The following POLR3B variants were observed in gnomAD, a reference collection of about 807,000 sequenced individuals.
POLR3B encodes the protein DNA-directed RNA polymerase III subunit RPC2.
A neutral mutation model predicts 147.4 loss-of-function variants in POLR3B; 96 were observed. That is an observed-to-expected ratio of 0.65 (90% CI 0.55 to 0.77). The LOEUF (loss-of-function observed/expected upper bound fraction) is 0.77. POLR3B is among the 30% of genes least tolerant of loss of function. The pLI is 0.00. For synonymous variants in POLR3B, 461 were observed against 485.9 expected, an observed-to-expected ratio of 0.95 and a Z score of 0.67; for missense variants, 1,036 against 1,413.5, an observed-to-expected ratio of 0.73 and a Z score of 4.28.
At chr12:106,492,021 A>G (rs912941109) in intron 23 of POLR3B, among the ~76,000 whole-genome samples, 2 of 152,236 alleles carry the variant, frequency 1.3e-5, no homozygotes, top group Admixed American at 1.3e-4. Context: ...TCAGGTCTCA[A>G]CACACTGAAG....
chr12:106,502,540 C>T (rs908984340), intron 26 of POLR3B, among the ~76,000 whole-genome samples: 1 of 152,190 alleles, frequency 6.6e-6, no homozygotes, highest in African/African-American at 2.4e-5. Context: ...GTTCCCTCCC[C>T]ACTTTCACTG....
chr12:106,392,971 G>A (rs913518103), intron 9 of POLR3B, 60 bp from the exon 10 acceptor site: 10 of 1,607,048 alleles, frequency 6.2e-6, no homozygotes, highest in African/African-American at 5.3e-5. Context: ...ATTAGCATAA[G>A]CAAATGTCAG....
At chr12:106,467,923 T>G (rs1488547592) in intron 23 of POLR3B, among the ~76,000 whole-genome samples, 4 of 152,210 alleles carry the variant, frequency 2.6e-5, no homozygotes, top group African/African-American at 9.6e-5. Flanking sequence ...TCTTTTTTTA[T>G]TGTATCTCTG....
At chr12:106,407,719 C>T (rs1260188012) in intron 11 of POLR3B, among the ~76,000 whole-genome samples, 1 of 150,714 alleles carries the variant, frequency 6.6e-6, no homozygotes, top group Non-Finnish European at 1.5e-5. Context: ...ATCCCAGCTA[C>T]TTGGGAGGCT....
intron 23 of POLR3B, among the ~76,000 whole-genome samples, chr12:106,481,432 G>A (rs910162952): frequency 2.0e-5 from 3 of 152,178 alleles, no homozygotes; most frequent in South Asian, 2.1e-4. Flanking sequence ...TTTCAGCTTC[G>A]CTCCTCACGC....
chr12:106,413,931 T>G (rs2037264924), intron 12 of POLR3B, among the ~76,000 whole-genome samples: 1 of 152,052 alleles, frequency 6.6e-6, no homozygotes, highest in African/African-American at 2.4e-5. Context: ...GGTAATTTAT[T>G]GGTTTTGCAT....
intron 2 of POLR3B, among the ~76,000 whole-genome samples, 177 bp downstream of exon 2, chr12:106,364,079 A>G (rs1025447238): frequency 3.3e-5 from 5 of 152,184 alleles, no homozygotes; most frequent in African/African-American, 9.7e-5. Flanking sequence ...TGGTTTGGAG[A>G]GTGGTAGTCT....
intron 23 of POLR3B, among the ~76,000 whole-genome samples, chr12:106,495,030 TA>T (rs1411055973): frequency 2.6e-5 from 4 of 152,176 alleles, no homozygotes; most frequent in African/African-American, 7.2e-5. Flanking sequence ...TTCTTTGCAA[TA>T]GGGGCAGATA....
intron 12 of POLR3B, among the ~76,000 whole-genome samples, 163 bp downstream of exon 12, chr12:106,411,123 A>G (rs888977208): frequency 3.3e-5 from 5 of 152,142 alleles, no homozygotes; most frequent in Non-Finnish European, 5.9e-5. Context: ...TTTAACTATA[A>G]AAACATTAAT....
At chr12:106,458,161 A>G (rs1254249395) in intron 21 of POLR3B, among the ~76,000 whole-genome samples, 1 of 152,072 alleles carries the variant, frequency 6.6e-6, no homozygotes, top group East Asian at 1.9e-4. Context: ...TCAGTCTGTC[A>G]CTGAGGCTGG....
intron 10 of POLR3B, among the ~76,000 whole-genome samples, chr12:106,402,074 G>T (rs2037076780): frequency 6.6e-6 from 1 of 151,588 alleles, no homozygotes; most frequent in South Asian, 2.1e-4. Flanking sequence ...CATCGTCTCA[G>T]CCCAAAATCT....
chr12:106,376,407 G>T lies in POLR3B; in HGVS notation c.453G>T (p.Thr151=), dbSNP rs376395471. Residue 151 remains threonine, a synonymous_variant, in exon 7 of 28, where the codon ACG becomes ACT. Coordinates refer to ENST00000228347, the MANE Select transcript of POLR3B (RefSeq NM_018082.6). ...CAAACTGTGTTCTTACAGGAAAAAC[G>T]CCAGCAGAATTTGCCAAACTGAACG... ...RSSNCVLTGK[T]PAEFAKLNEC... 3.1e-6 allele frequency: 5 copies of T among 1,613,472 alleles called. No individual in the cohort carries two copies. In the South Asian group the frequency reaches 5.5e-5, roughly 18 times the overall value.
Position 106,427,178 on chromosome 12 carries a change from CCT to C in POLR3B, c.1102-18_1102-17del, listed in dbSNP as rs2037450598. On this transcript the variant is annotated splice_polypyrimidine_tract_variant and intron_variant, in intron 12 of 27. Transcript: ENST00000228347. Reference sequence around the variant, plus strand: ...ATGCTTTTTGAAAAATCACCATATACCTTTTTTTTTTTTTTTAGCTTTTATCT... The same window carrying C: ...ATGCTTTTTGAAAAATCACCATATACTTTTTTTTTTTTTTAGCTTTTATCT... 1 of 1,184,952 alleles carries C rather than the reference CCT, an allele frequency of 8.4e-7. No homozygotes were observed. Among genetic ancestry groups the C allele is most frequent in the East Asian group, 2.7e-5 (1 of 36,840 alleles). The allele number at this position is 1,184,952 out of a possible 1,614,324, so 73.4% of individuals were successfully genotyped here.
rs56756383 is a variant in POLR3B, at chr12:106,419,794, C to CTTTTT, written c.1102-7386_1102-7382dup. ...ATAGTGAGCCAGATATTTAGTTTTG[C>CTTTTT]TTTTTTTTTTTTTTTTTTTTTAATG... On this transcript the variant is annotated intron_variant, in intron 12 of 27. Coordinates refer to ENST00000228347, the MANE Select transcript of POLR3B (RefSeq NM_018082.6). Among the ~76,000 whole-genome samples the CTTTTT allele has an allele frequency of 2.9e-3, 258 of 88,834 alleles. 3 individuals carry two copies. The highest frequency in any genetic ancestry group is 0.016 in the Middle Eastern group (1 of 64). 58.3% of individuals were successfully genotyped at this position (88,834 alleles called of 152,430 possible).
At chr12:106,392,702 G>C (rs768397553) in intron 9 of POLR3B, among the ~76,000 whole-genome samples, 21 of 152,210 alleles carry the variant, frequency 1.4e-4, no homozygotes, top group Admixed American at 7.9e-4. Context: ...TTTACAGTTT[G>C]CCTTTGTAGT....
At chr12:106,434,570 C>T (rs560770275) in intron 16 of POLR3B, among the ~76,000 whole-genome samples, 1 of 150,756 alleles carries the variant, frequency 6.6e-6, no homozygotes, top group Non-Finnish European at 1.5e-5. Context: ...ATCTAGGAGC[C>T]GGAGGTACAG....
chr12:106,485,101 A>G (rs1412186472), intron 23 of POLR3B, among the ~76,000 whole-genome samples: 9 of 152,212 alleles, frequency 5.9e-5, no homozygotes. Flanking sequence ...TAATTTATAA[A>G]GAAAAGAAGT....
intron 10 of POLR3B, among the ~76,000 whole-genome samples, chr12:106,405,109 C>T (rs1236282284): frequency 1.3e-5 from 2 of 152,126 alleles, no homozygotes; most frequent in Admixed American, 6.6e-5. Flanking sequence ...GTGCCAGTAT[C>T]ACACTGTTTT....
chr12:106,502,917 T>C (rs933012388), intron 26 of POLR3B, among the ~76,000 whole-genome samples: 3 of 152,226 alleles, frequency 2.0e-5, no homozygotes, highest in African/African-American at 7.2e-5. Flanking sequence ...CTTTGTTGTG[T>C]AGAAAAAGTT....
Sources: allele counts gnomAD v4.1 joint callset (sites outside exome capture counted in the v4.1 genomes callset), GRCh38; gene constraint gnomAD v4.1.1; transcripts MANE v1.5; gene names NCBI Gene and HGNC (gene_info 2026-07-23, HGNC 2026-07-21).